The following SLC15A3 variants were observed in gnomAD, a reference collection of about 807,000 sequenced individuals.
SLC15A3 encodes the protein solute carrier family 15 member 3.
SLC15A3 carries 39 observed loss-of-function variants against 49.2 expected under a neutral mutation model. The ratio of observed to expected loss-of-function variants is 0.79; its 90% CI spans 0.61 to 1.04. The LOEUF (loss-of-function observed/expected upper bound fraction) is 1.04, where lower values mean the gene tolerates loss of function less well. Among genes scored for constraint, SLC15A3 ranks in the 50% least tolerant of loss-of-function variants. The pLI is 0.00. For synonymous variants in SLC15A3, 339 were observed against 367.0 expected, an observed-to-expected ratio of 0.92 and a Z score of 0.87; for missense variants, 758 against 794.8, an observed-to-expected ratio of 0.95 and a Z score of 0.56.
rs558705409 is a variant in SLC15A3 at position 60,943,549 on chromosome 11, G to A, written c.996+140C>T. On this transcript the variant is annotated intron_variant, in intron 3 of 7. Transcript: ENST00000227880. ...CGGCTTTGTGCCAGGCCCCATGCTAGCTGGTACGGGGCAGCACCTCACTTT... is the reference window on the plus strand; with the variant it reads ...CGGCTTTGTGCCAGGCCCCATGCTAACTGGTACGGGGCAGCACCTCACTTT... The A allele has an allele frequency of 5.1e-3, 4,539 of 897,110 alleles. 15 individuals carry two copies. Among genetic ancestry groups the A allele is most frequent in the Non-Finnish European group, 6.2e-3 (4,131 of 661,972 alleles). The allele number at this position is 897,110 out of a possible 1,614,324, so 55.6% of individuals were successfully genotyped here.
At chr11:60,944,764 G>C (rs950089552) in intron 2 of SLC15A3, among the ~76,000 whole-genome samples, 1 of 152,154 alleles carries the variant, frequency 6.6e-6, no homozygotes, top group Non-Finnish European at 1.5e-5. Context: ...TCCATGACAA[G>C]GCATAGAGAG....
chr11:60,947,502 A>G (rs1268577090), intron 1 of SLC15A3, among the ~76,000 whole-genome samples: 1 of 152,170 alleles, frequency 6.6e-6, no homozygotes, highest in East Asian at 1.9e-4. Context: ...TATAATCAGA[A>G]AAAAGCCAAT....
chr11:60,949,044 G>A (rs1424106603), intron 1 of SLC15A3, among the ~76,000 whole-genome samples: 4 of 152,142 alleles, frequency 2.6e-5, no homozygotes, highest in South Asian at 4.1e-4. Flanking sequence ...AGTAAGAAAC[G>A]GTCAGGGCTG....
At chr11:60,938,138 C>T (rs1421363193) in intron 6 of SLC15A3, 113 bp from the exon 7 acceptor site, 39 of 1,275,826 alleles carry the variant, frequency 3.1e-5, no homozygotes, top group African/African-American at 4.5e-5. Context: ...CTCCAGGCTT[C>T]CCCTGGATGC....
intron 2 of SLC15A3, 93 bp downstream of exon 2, chr11:60,946,439 C>G: frequency 1.4e-6 from 2 of 1,400,380 alleles, no homozygotes. Flanking sequence ...TGTAGCTGAA[C>G]CAGAATGTCT....
At chr11:60,939,740 C>A (rs1348953512) in intron 5 of SLC15A3, 102 bp from the exon 6 acceptor site, 9 of 1,368,862 alleles carry the variant, frequency 6.6e-6, no homozygotes, top group South Asian at 2.8e-5. Flanking sequence ...ATGAAGCAGC[C>A]AAAGATTGAG....
Position 60,951,536 on chromosome 11 carries a change from C to G in SLC15A3, c.16G>C (p.Ala6Pro), listed in dbSNP as rs1418869770. Residue 6 changes from alanine (A) to proline (P), a missense_variant, in exon 1 of 8, where the codon GCC becomes CCC. Transcript: ENST00000227880. MPAPR[A>P]REQPRVPGER... is the part of the protein sequence containing the mutation. Reference sequence around the variant, plus strand: ...CCGGGCACGCGGGGCTGCTCCCGGGCGCGCGGCGCGGGCATCCTGGCTCCG... The same window carrying G: ...CCGGGCACGCGGGGCTGCTCCCGGGGGCGCGGCGCGGGCATCCTGGCTCCG... The G allele has an allele frequency of 5.2e-6, 6 of 1,145,640 alleles. No homozygotes were observed. The highest frequency in any genetic ancestry group is 3.6e-4 in the Middle Eastern group (1 of 2,780). The allele number at this position is 1,145,640 out of a possible 1,614,324, so 71.0% of individuals were successfully genotyped here.
Position 60,951,912 on chromosome 11 carries a change from C to T in SLC15A3, c.-361G>A, listed in dbSNP as rs368238026. On this transcript the variant is annotated 5_prime_UTR_variant, in exon 1 of 8. Coordinates refer to ENST00000227880, the MANE Select transcript of SLC15A3 (RefSeq NM_016582.3). Reference sequence around the variant, plus strand: ...CACTCTTGTTCACACTGCGACCCTCCCTGCTTCACTTCGCTGCCCCTCCGC... The same window carrying T: ...CACTCTTGTTCACACTGCGACCCTCTCTGCTTCACTTCGCTGCCCCTCCGC... 62 of 155,232 alleles carry T rather than the reference C, an allele frequency of 4.0e-4. No homozygotes were observed. In the East Asian group the frequency reaches 0.011, roughly 28 times the overall value. 9.6% of individuals were successfully genotyped at this position (155,232 alleles called of 1,614,324 possible). A position where few individuals can be genotyped will look rare whatever the true frequency, so the allele number is the denominator to read the frequency against.
intron 1 of SLC15A3, 123 bp downstream of exon 1, chr11:60,950,870 CT>C (rs768825256): frequency 1.1e-5 from 12 of 1,065,060 alleles, no homozygotes; most frequent in Non-Finnish European, 1.5e-5. Flanking sequence ...TAGCCCCCCT[CT>C]TCTTTCAAAT....
intron 3 of SLC15A3, chr11:60,943,448 C>T (rs904013281): frequency 1.2e-5 from 4 of 343,152 alleles, no homozygotes; most frequent in East Asian, 4.5e-5. Flanking sequence ...ATTCAACTCC[C>T]GCAGGAGGTA....
chr11:60,939,476 G>A lies in SLC15A3; in HGVS notation c.1435+4C>T, dbSNP rs1856679028. On this transcript the variant is annotated splice_donor_region_variant and intron_variant, in intron 6 of 7. Transcript: ENST00000227880. ...GCAGGAGCAGGGGAGGGGATCCAGGGTACCTGGGATGCTGGCAAAGATCTC... is the reference window on the plus strand; with the variant it reads ...GCAGGAGCAGGGGAGGGGATCCAGGATACCTGGGATGCTGGCAAAGATCTC... 4 of 1,613,854 alleles carry A rather than the reference G, an allele frequency of 2.5e-6. No individual in the cohort carries two copies. The highest frequency in any genetic ancestry group is 2.7e-5 in the African/African-American group (2 of 75,058).
At chr11:60,942,283 T>G in intron 3 of SLC15A3, 138 bp from the exon 4 acceptor site, 1 of 663,812 alleles carries the variant, frequency 1.5e-6, no homozygotes, top group Non-Finnish European at 2.7e-6. Flanking sequence ...GATAGTCACC[T>G]TCCCACCCTC....
At position 60,951,794 on chromosome 11, in the gene SLC15A3, T is replaced by C. The variant is rs1856933180; in HGVS notation, c.-243A>G. On this transcript the variant is annotated 5_prime_UTR_variant, in exon 1 of 8. Coordinates refer to ENST00000227880, the MANE Select transcript of SLC15A3 (RefSeq NM_016582.3). Reference sequence around the variant, plus strand: ...CCCTAATTCTCAACTCCCCTCTCCCTTCCCCCACCCCTAAGGCTTCCTCCC... The same window carrying C: ...CCCTAATTCTCAACTCCCCTCTCCCCTCCCCCACCCCTAAGGCTTCCTCCC... 3 of 179,278 alleles carry C rather than the reference T, an allele frequency of 1.7e-5. No homozygotes were observed. The highest frequency in any genetic ancestry group is 3.4e-5 in the Non-Finnish European group (3 of 88,312). The allele number at this position is 179,278 out of a possible 1,614,324, so 11.1% of individuals were successfully genotyped here. A position where few individuals can be genotyped will look rare whatever the true frequency, so the allele number is the denominator to read the frequency against.
rs1470316296 is a variant in SLC15A3 at position 60,942,113 on chromosome 11, G to A, written c.1029C>T (p.His343=). ...MQSTYVLQGL[H]LHIPNIFPAN... The stretch of plus-strand genomic sequence containing the variant: ...CTGGGAAAATGTTTGGGATGTGGAG[G>A]TGAAGACCCTGCAGGACATAGGTGG... Residue 343 remains histidine, a synonymous_variant, in exon 4 of 8, where the codon CAC becomes CAT. Transcript: ENST00000227880. 4 of 1,614,084 alleles carry A rather than the reference G, an allele frequency of 2.5e-6. No individual in the cohort carries two copies. The highest frequency in any genetic ancestry group is 3.4e-6 in the Non-Finnish European group (4 of 1,179,958).
chr11:60,940,371 G>A (rs1424183132), intron 5 of SLC15A3: 1 of 152,312 alleles, frequency 6.6e-6, no homozygotes, highest in Non-Finnish European at 1.5e-5. Flanking sequence ...GGATATAGCT[G>A]GAATAAAATC....
At chr11:60,943,561 C>A in intron 3 of SLC15A3, 128 bp downstream of exon 3, 1 of 1,039,742 alleles carries the variant, frequency 9.6e-7, no homozygotes, top group Non-Finnish European at 1.3e-6. Flanking sequence ...TGGTACGGGG[C>A]AGCACCTCAC....
rs1856923509 is a variant in SLC15A3, at chr11:60,951,555, G to A, written c.-4C>T. 8.8e-7 allele frequency: 1 copy of A among 1,134,404 alleles called. No homozygotes were observed. The highest frequency in any genetic ancestry group is 1.1e-6 in the Non-Finnish European group (1 of 925,216). The allele number at this position is 1,134,404 out of a possible 1,614,324, so 70.3% of individuals were successfully genotyped here. On this transcript the variant is annotated 5_prime_UTR_variant, in exon 1 of 8. Transcript: ENST00000227880. ...CCCGGGCGCGCGGCGCGGGCATCCT[G>A]GCTCCGGGCTGGGCCCCCCGCGGCT... is the stretch of plus-strand genomic sequence containing the variant.
intron 2 of SLC15A3, 101 bp downstream of exon 2, chr11:60,946,431 T>C: frequency 7.5e-7 from 1 of 1,329,588 alleles, no homozygotes; most frequent in South Asian, 1.5e-5. Flanking sequence ...GCTATCACTG[T>C]AGCTGAACCA....
In SLC15A3 at chr11:60,937,122, A is replaced by G; in HGVS notation, c.*97T>C. 2.7e-6 allele frequency: 4 copies of G among 1,505,760 alleles called. No homozygotes were observed. The highest frequency in any genetic ancestry group is 1.4e-5 in the African/African-American group (1 of 71,894). The allele number at this position is 1,505,760 out of a possible 1,614,324, so 93.3% of individuals were successfully genotyped here. The stretch of plus-strand genomic sequence containing the variant: ...CTCATGCCCCTTATTTATGGGAACC[A>G]TTTCATTCTAACAGAATAAACCGAG... On this transcript the variant is annotated 3_prime_UTR_variant, in exon 8 of 8. Coordinates refer to ENST00000227880, the MANE Select transcript of SLC15A3 (RefSeq NM_016582.3).
Sources: allele counts gnomAD v4.1 joint callset (sites outside exome capture counted in the v4.1 genomes callset), GRCh38; gene constraint gnomAD v4.1.1; transcripts MANE v1.5; gene names NCBI Gene and HGNC (gene_info 2026-07-23, HGNC 2026-07-21).